ADGRB3: variants seen among roughly 807,000 people sequenced by gnomAD.
The protein encoded by ADGRB3 is adhesion G protein-coupled receptor B3.
In ADGRB3, 37 loss-of-function variants were observed where a neutral mutation model predicts 193.4. The observed-to-expected ratio is 0.19, with a 90% CI of 0.15 to 0.25. ADGRB3 has a LOEUF of 0.25. ADGRB3 is among the 10% of genes least tolerant of loss of function. ADGRB3 has a pLI of 1.00. For synonymous variants in ADGRB3, 690 were observed against 644.2 expected, an observed-to-expected ratio of 1.07 and a Z score of -1.08; for missense variants, 1,637 against 1,852.9, an observed-to-expected ratio of 0.88 and a Z score of 2.14.
intron 6 of ADGRB3, among the ~76,000 whole-genome samples, chr6:68,952,154 C>G (rs546341226): frequency 6.6e-6 from 1 of 152,102 alleles, no homozygotes; most frequent in African/African-American, 2.4e-5. Flanking sequence ...TCCCTGTTCT[C>G]TATTTTTTTC....
intron 17 of ADGRB3, among the ~76,000 whole-genome samples, chr6:69,085,087 CGGTGAAA>C (rs1294530468): frequency 6.6e-6 from 1 of 152,086 alleles, no homozygotes; most frequent in Non-Finnish European, 1.5e-5. Context: ...AAAATACCCT[CGGTGAAA>C]ATATTGCGAA....
At chr6:69,044,758 A>G (rs1003584450) in intron 13 of ADGRB3, among the ~76,000 whole-genome samples, 1 of 152,220 alleles carries the variant, frequency 6.6e-6, no homozygotes, top group Admixed American at 6.5e-5. Context: ...AAGTGTTGTA[A>G]TGAAAACACG....
chr6:68,842,777 A>C (rs1286732900), intron 3 of ADGRB3, among the ~76,000 whole-genome samples: 1 of 151,930 alleles, frequency 6.6e-6, no homozygotes, highest in Admixed American at 6.6e-5. Context: ...TCAACAAAAT[A>C]CTCGCAAACA....
intron 11 of ADGRB3, among the ~76,000 whole-genome samples, chr6:68,998,155 A>T (rs1769447966): frequency 1.3e-5 from 2 of 152,218 alleles, no homozygotes; most frequent in African/African-American, 4.8e-5. Context: ...ATTCACCTTA[A>T]GAAATTAATA....
At chr6:69,292,712 TC>T (rs986119830) in intron 20 of ADGRB3, among the ~76,000 whole-genome samples, 15 of 151,604 alleles carry the variant, frequency 9.9e-5, no homozygotes, top group African/African-American at 2.7e-4. Context: ...TCAACCTCTT[TC>T]TTTTTTTTTT....
At chr6:68,687,000 T>C (rs1764995094) in intron 3 of ADGRB3, among the ~76,000 whole-genome samples, 1 of 152,172 alleles carries the variant, frequency 6.6e-6, no homozygotes, top group Non-Finnish European at 1.5e-5. Context: ...GTGCATTCAG[T>C]GACTTTAAGT....
intron 8 of ADGRB3, among the ~76,000 whole-genome samples, chr6:68,972,433 G>A (rs1165578164): frequency 6.6e-6 from 1 of 152,004 alleles, no homozygotes; most frequent in Admixed American, 6.5e-5. Context: ...GGGAGGGTTT[G>A]GAGCACCTGG....
At chr6:69,274,396 C>G (rs3799075) in intron 20 of ADGRB3, among the ~76,000 whole-genome samples, 68,416 of 151,626 alleles carry the variant, frequency 0.45, 17,074 homozygotes, top group African/African-American at 0.66. Context: ...CAGCACGTGG[C>G]AGATAATTTG....
At chr6:69,113,462 ACT>A (rs1250561180) in intron 17 of ADGRB3, among the ~76,000 whole-genome samples, 9 of 152,212 alleles carry the variant, frequency 5.9e-5, no homozygotes, top group African/African-American at 2.2e-4. Flanking sequence ...ATTAGTGGAA[ACT>A]CAAGTTCTAA....
At chr6:69,294,494 T>C (rs1453989691) in intron 20 of ADGRB3, among the ~76,000 whole-genome samples, 16 of 152,088 alleles carry the variant, frequency 1.1e-4, no homozygotes, top group Admixed American at 1.0e-3. Flanking sequence ...AAATGCTGTC[T>C]CTTACCTAAT....
intron 13 of ADGRB3, among the ~76,000 whole-genome samples, chr6:69,040,024 G>A (rs772463019): frequency 2.6e-5 from 4 of 152,104 alleles, no homozygotes; most frequent in African/African-American, 9.7e-5. Flanking sequence ...ACAGGTGTGA[G>A]CCACCATGCC....
chr6:68,840,004 G>A (rs188296523), intron 3 of ADGRB3, among the ~76,000 whole-genome samples: 1 of 152,266 alleles, frequency 6.6e-6, no homozygotes, highest in Admixed American at 6.5e-5. Context: ...CATAGAAGCA[G>A]CATTTAGAAC....
intron 17 of ADGRB3, among the ~76,000 whole-genome samples, chr6:69,214,797 T>G (rs1378767751): frequency 6.6e-6 from 1 of 151,756 alleles, no homozygotes. Context: ...CAATTACATT[T>G]GCACCAACCT....
intron 17 of ADGRB3, among the ~76,000 whole-genome samples, chr6:69,175,011 C>G (rs1005154206): frequency 4.6e-5 from 7 of 152,126 alleles, no homozygotes; most frequent in Non-Finnish European, 7.4e-5. Flanking sequence ...ATGTTAGACC[C>G]TTGTCACATG....
intron 3 of ADGRB3, among the ~76,000 whole-genome samples, chr6:68,758,988 C>T (rs575066757): frequency 6.6e-6 from 1 of 152,102 alleles, no homozygotes; most frequent in African/African-American, 2.4e-5. Context: ...AGAGCACTTA[C>T]ATTTAGCAGG....
intron 3 of ADGRB3, among the ~76,000 whole-genome samples, chr6:68,749,448 A>G (rs1320288773): frequency 1.8e-5 from 2 of 108,408 alleles, no homozygotes; most frequent in Admixed American, 1.8e-4. Context: ...GTGTGTGTGT[A>G]TAATTAATTC....
At chr6:68,832,405 G>A (rs774413972) in intron 3 of ADGRB3, among the ~76,000 whole-genome samples, 6 of 151,678 alleles carry the variant, frequency 4.0e-5, no homozygotes, top group African/African-American at 7.3e-5. Flanking sequence ...TCACCTCCTC[G>A]ACTAGACTCT....
chr6:68,923,188 TG>T (rs1289634714), intron 3 of ADGRB3, among the ~76,000 whole-genome samples: 1 of 152,074 alleles, frequency 6.6e-6, no homozygotes, highest in African/African-American at 2.4e-5. Flanking sequence ...TAAAATATAG[TG>T]GTAGATAAAT....
chr6:68,733,121 G>A (rs1420953952), intron 3 of ADGRB3, among the ~76,000 whole-genome samples: 1 of 151,448 alleles, frequency 6.6e-6, no homozygotes, highest in African/African-American at 2.4e-5. Context: ...CCACTACTGT[G>A]TATCTACCTA....
Sources: allele counts gnomAD v4.1 joint callset (sites outside exome capture counted in the v4.1 genomes callset), GRCh38; gene constraint gnomAD v4.1.1; transcripts MANE v1.5; gene names NCBI Gene and HGNC (gene_info 2026-07-23, HGNC 2026-07-21).